Variants in USP16 observed in about 807,000 individuals in gnomAD.
USP16 encodes ubiquitin specific peptidase 16.
In USP16, 77 loss-of-function variants were observed where a neutral mutation model predicts 95.9. The observed-to-expected ratio is 0.80, with a 90% CI of 0.67 to 0.97. The LOEUF (loss-of-function observed/expected upper bound fraction) is 0.97, where lower values mean the gene tolerates loss of function less well. Ranked by LOEUF, USP16 falls within the 50% of genes least tolerant of loss-of-function variation. The pLI is 0.00. For synonymous variants in USP16, 303 were observed against 318.2 expected (o/e 0.95, Z 0.51); for missense variants, 943 against 959.9 (o/e 0.98, Z 0.23).
Position 29,043,403 on chromosome 21 carries a change from T to C in USP16, c.1180-20T>C. Reference sequence around the variant, plus strand: ...TAGTTGTAAAATTTTGTTTTTGACCTATGTTATCTATATTTTAAGAGTGGT... The same window carrying C: ...TAGTTGTAAAATTTTGTTTTTGACCCATGTTATCTATATTTTAAGAGTGGT... On this transcript the variant is annotated intron_variant, in intron 12 of 17. Transcript: ENST00000399976. 1 of 1,405,992 alleles carries C rather than the reference T, an allele frequency of 7.1e-7. No homozygotes were observed. 87.1% of individuals were successfully genotyped at this position (1,405,992 alleles called of 1,614,324 possible). A position where few individuals can be genotyped will look rare whatever the true frequency, so the allele number is the denominator to read the frequency against.
rs996486704 is a variant in USP16 at position 29,037,454 on chromosome 21, A to G, written c.627A>G (p.Ala209=). The stretch of plus-strand genomic sequence containing the variant: ...TGGGAAACACATGTTTCTTCAATGC[A>G]GTTATGCAGGTACATTGTCATTTTT... ...SNLGNTCFFN[A]VMQNLSQTPV... The change falls in exon 6 of 18, where the codon GCA becomes GCG. Residue 209 remains alanine (A), a synonymous_variant. Coordinates refer to ENST00000399976, the MANE Select transcript of USP16 (RefSeq NM_006447.3). The G allele has an allele frequency of 3.8e-6, 6 of 1,582,212 alleles. No homozygotes were observed. The highest frequency in any genetic ancestry group is 5.1e-6 in the Non-Finnish European group (6 of 1,168,996).
intron 9 of USP16, 93 bp downstream of exon 9, chr21:29,039,661 G>C: frequency 7.9e-7 from 1 of 1,259,094 alleles, no homozygotes; most frequent in Non-Finnish European, 1.1e-6. Flanking sequence ...ATGAAAGCTA[G>C]TTATTAAGGC....
chr21:29,038,522 T>C (rs905621612), intron 7 of USP16, 92 bp downstream of exon 7: 3 of 1,001,178 alleles, frequency 3.0e-6, no homozygotes, highest in Non-Finnish European at 4.6e-6. Context: ...ATTTCCACTG[T>C]TTTTGTTTGT....
chr21:29,036,870 G>A (rs2085165000), intron 5 of USP16, among the ~76,000 whole-genome samples: 1 of 152,094 alleles, frequency 6.6e-6, no homozygotes, highest in Non-Finnish European at 1.5e-5. Context: ...AGAATTATTT[G>A]TTTTTTACTT....
At chr21:29,035,130 A>G (rs2085134755) in intron 4 of USP16, among the ~76,000 whole-genome samples, 190 bp downstream of exon 4, 1 of 152,224 alleles carries the variant, frequency 6.6e-6, no homozygotes, top group African/African-American at 2.4e-5. Context: ...ACAAGCACAA[A>G]CATTGTAACA....
At chr21:29,032,500 A>G (rs937274294) in intron 3 of USP16, among the ~76,000 whole-genome samples, 4 of 152,168 alleles carry the variant, frequency 2.6e-5, no homozygotes, top group African/African-American at 7.2e-5. Flanking sequence ...CCAAAGTGCT[A>G]AGATGATAGG....
intron 10 of USP16, 85 bp from the exon 11 acceptor site, chr21:29,041,928 T>TA: frequency 1.9e-6 from 2 of 1,045,036 alleles, no homozygotes; most frequent in Non-Finnish European, 2.8e-6. Flanking sequence ...ATTTTAGAGT[T>TA]AGATAGGTAA....
At chr21:29,029,591 C>G (rs2085048549) in intron 2 of USP16, among the ~76,000 whole-genome samples, 2 of 152,148 alleles carry the variant, frequency 1.3e-5, no homozygotes, top group African/African-American at 4.8e-5. Flanking sequence ...TCCAGTGTTC[C>G]TGGAACAACT....
Position 29,043,445 on chromosome 21 carries a change from A to G in USP16, c.1202A>G (p.Asp401Gly). 6.5e-7 allele frequency: 1 copy of G among 1,546,860 alleles called. No homozygotes were observed. The highest frequency in any genetic ancestry group is 8.7e-7 in the Non-Finnish European group (1 of 1,154,174). Residue 401 changes from aspartate to glycine, a missense_variant, in exon 13 of 18, where the codon GAT (aspartate) becomes GGT (glycine). Physicochemically the swap from Asp to Gly is moderately conservative, Grantham distance 94 (BLOSUM62 -1). Coordinates refer to ENST00000399976, the MANE Select transcript of USP16 (RefSeq NM_006447.3). The part of the protein sequence containing the change: ...DDQSGKKSVN[D>G]KNLKKTVEDE... ...AAGAGTGGTAAGAAAAGTGTAAATG[A>G]TAAAAATCTGAAAAAGACAGTGGAG...
At chr21:29,043,744 T>C in intron 13 of USP16, 145 bp downstream of exon 13, 1 of 798,672 alleles carries the variant, frequency 1.3e-6, no homozygotes, top group Non-Finnish European at 1.7e-6. Flanking sequence ...GCTCATTTAG[T>C]ATTCTCTGCA....
chr21:29,039,006 AT>A lies in USP16; in HGVS notation c.733-17del. ...TTCCAGAATTTGACTGAAGAAAGTAATTTCTTTTCCCATATTCAGGAACCAT... is the reference window on the plus strand; with the variant it reads ...TTCCAGAATTTGACTGAAGAAAGTAATTCTTTTCCCATATTCAGGAACCAT... On this transcript the variant is annotated intron_variant, in intron 7 of 17. Coordinates refer to ENST00000399976, the MANE Select transcript of USP16 (RefSeq NM_006447.3). 6.8e-7 allele frequency: 1 copy of A among 1,480,634 alleles called. No individual in the cohort carries two copies. Among genetic ancestry groups the A allele is most frequent in the Non-Finnish European group, 9.0e-7 (1 of 1,115,032 alleles). The allele number at this position is 1,480,634 out of a possible 1,614,324, so 91.7% of individuals were successfully genotyped here.
At chr21:29,044,121 CAG>C (rs2085286223) in intron 13 of USP16, among the ~76,000 whole-genome samples, 1 of 152,120 alleles carries the variant, frequency 6.6e-6, no homozygotes, top group Admixed American at 6.5e-5. Flanking sequence ...TTAGTAGAGA[CAG>C]GGTTTCACCA....
chr21:29,038,477 T>C (rs2085196235), intron 7 of USP16, 47 bp downstream of exon 7: 2 of 1,327,606 alleles, frequency 1.5e-6, no homozygotes, highest in Middle Eastern at 3.7e-4. Context: ...TCTCTGAATG[T>C]GTGTTTTCTA....
At chr21:29,044,480 T>C (rs2085293691) in intron 13 of USP16, among the ~76,000 whole-genome samples, 1 of 143,832 alleles carries the variant, frequency 7.0e-6, no homozygotes, top group Non-Finnish European at 1.5e-5. Context: ...GGTGTCTCAC[T>C]CTGTCGCCCA....
At chr21:29,048,073 G>A (rs1358024620) in intron 14 of USP16, among the ~76,000 whole-genome samples, 3 of 150,174 alleles carry the variant, frequency 2.0e-5, no homozygotes, top group African/African-American at 7.4e-5. Context: ...GTGTGTGTGT[G>A]TGTGTGTGTG....
At chr21:29,025,344 C>CT (rs1487860132) in intron 1 of USP16, among the ~76,000 whole-genome samples, 2 of 152,198 alleles carry the variant, frequency 1.3e-5, no homozygotes, top group Non-Finnish European at 2.9e-5. Context: ...ACCGGCAAGA[C>CT]TATCTTTGAT....
intron 1 of USP16, among the ~76,000 whole-genome samples, chr21:29,026,974 T>A (rs2085002361): frequency 6.6e-6 from 1 of 152,192 alleles, no homozygotes; most frequent in African/African-American, 2.4e-5. Context: ...TGTTAAATGC[T>A]TCCGATCAAG....
intron 16 of USP16, chr21:29,053,155 G>A (rs1043900818): frequency 6.6e-6 from 1 of 152,334 alleles, no homozygotes; most frequent in Non-Finnish European, 1.5e-5. Flanking sequence ...GGGAAGCTGA[G>A]TATAGGAGAC....
intron 2 of USP16, among the ~76,000 whole-genome samples, chr21:29,028,729 C>T (rs2085031860): frequency 6.6e-6 from 1 of 152,188 alleles, no homozygotes; most frequent in East Asian, 1.9e-4. Flanking sequence ...GCCACCGCGC[C>T]CGACCTTCAA....
Sources: gnomAD v4.1 joint callset for allele counts (sites outside exome capture counted in the v4.1 genomes callset) on GRCh38, gnomAD v4.1.1 for gene constraint, MANE v1.5 for transcripts, NCBI Gene and HGNC (gene_info 2026-07-23, HGNC 2026-07-21) for gene names.